PTPRG: variants seen among roughly 807,000 people sequenced by gnomAD.
PTPRG encodes protein tyrosine phosphatase receptor type G, also known as receptor-type tyrosine-protein phosphatase gamma.
PTPRG carries 102 observed loss-of-function variants against 165.3 expected under a neutral mutation model. The ratio of observed to expected loss-of-function variants is 0.62; its 90% CI spans 0.53 to 0.73. The LOEUF is 0.73. Among genes scored for constraint, PTPRG ranks in the 30% least tolerant of loss-of-function variants. PTPRG has a pLI of 0.00. For missense variants in PTPRG, 1,866 were observed against 1,861.4 expected (o/e 1.00, Z -0.05); for synonymous variants, 675 against 669.5 (o/e 1.01, Z -0.13).
intron 1 of PTPRG, among the ~76,000 whole-genome samples, chr3:61,643,514 T>A (rs1702120119): frequency 6.6e-6 from 1 of 152,206 alleles, no homozygotes; most frequent in African/African-American, 2.4e-5. Context: ...GCGCGGTGGC[T>A]CATGCCTGTA....
In PTPRG at chr3:61,840,375, A is replaced by G. The variant is rs147238706; in HGVS notation, c.190+91393A>G. Among the ~76,000 whole-genome samples the G allele has an allele frequency of 9.3e-4, 141 of 152,328 alleles. 3 individuals are homozygous for G. The East Asian group carries it at 0.023, about 25-fold the overall frequency. ...AAAATATTAGGGTTTTTAAGCCCATATAATTCAAGAAGTAAATGCTTTATA... is the reference window on the plus strand; with the variant it reads ...AAAATATTAGGGTTTTTAAGCCCATGTAATTCAAGAAGTAAATGCTTTATA... On this transcript the variant is annotated intron_variant, in intron 2 of 29. Coordinates refer to ENST00000474889, the MANE Select transcript of PTPRG (RefSeq NM_002841.4).
At chr3:61,739,341 A>C (rs998611779) in intron 1 of PTPRG, 2 of 152,278 alleles carry the variant, frequency 1.3e-5, no homozygotes, top group Admixed American at 6.5e-5. Context: ...ATCTTAGACA[A>C]TTGCCAATAG....
In PTPRG at chr3:61,791,783, C is replaced by T. The variant is rs759564950; in HGVS notation, c.190+42801C>T. 1.1e-4 allele frequency among the ~76,000 whole-genome samples: 17 copies of T among 152,262 alleles called. No homozygotes were observed. In the South Asian group the frequency reaches 1.2e-3, roughly 11 times the overall value. On this transcript the variant is annotated intron_variant, in intron 2 of 29. Coordinates refer to ENST00000474889, the MANE Select transcript of PTPRG (RefSeq NM_002841.4). ...GATTACAGGCATAAGCCATCAGGCC[C>T]GGCCTGTTTCTAATAAACTTATAAT...
At chr3:62,003,265 T>G in intron 3 of PTPRG, 84 bp from the exon 4 acceptor site, 1 of 1,458,462 alleles carries the variant, frequency 6.9e-7, no homozygotes. Flanking sequence ...ATGGTAATGG[T>G]GAACTTTATT....
At chr3:62,124,230 T>G in intron 5 of PTPRG, 1 of 1,145,776 alleles carries the variant, frequency 8.7e-7, no homozygotes, top group East Asian at 2.3e-5. Flanking sequence ...TTCCTGTCAT[T>G]TGACATTAAC....
intron 6 of PTPRG, among the ~76,000 whole-genome samples, chr3:62,139,316 A>C (rs1282932050): frequency 6.6e-6 from 1 of 151,994 alleles, no homozygotes. Flanking sequence ...AAAATTAACC[A>C]GGCTTGGTGG....
Position 61,674,018 on chromosome 3 carries a change from C to G in PTPRG, c.86-74860C>G, listed in dbSNP as rs547273640. On this transcript the variant is annotated intron_variant, in intron 1 of 29. Coordinates refer to ENST00000474889, the MANE Select transcript of PTPRG (RefSeq NM_002841.4). ...GACACATGGAGGGGAACATCACACACTGGCGTCTTTGTGGGGTGGGTGGGG... is the reference window on the plus strand; with the variant it reads ...GACACATGGAGGGGAACATCACACAGTGGCGTCTTTGTGGGGTGGGTGGGG... Among the ~76,000 whole-genome samples, 6 of 131,356 alleles carry G rather than the reference C, an allele frequency of 4.6e-5. No individual in the cohort carries two copies. The South Asian group carries it at 1.7e-3, about 37-fold the overall frequency. 86.2% of individuals were successfully genotyped at this position (131,356 alleles called of 152,430 possible). A position where few individuals can be genotyped will look rare whatever the true frequency, so the allele number is the denominator to read the frequency against.
intron 2 of PTPRG, among the ~76,000 whole-genome samples, chr3:61,852,795 A>ATGAAAAT (rs2037000570): frequency 6.6e-6 from 1 of 152,224 alleles, no homozygotes; most frequent in African/African-American, 2.4e-5. Flanking sequence ...AGTTTGCCTT[A>ATGAAAAT]TGAAAATTGC....
At chr3:62,156,827 A>C (rs1301045626) in intron 6 of PTPRG, among the ~76,000 whole-genome samples, 1 of 152,164 alleles carries the variant, frequency 6.6e-6, no homozygotes, top group Non-Finnish European at 1.5e-5. Context: ...AACCATGTTC[A>C]TCATGGAACC....
chr3:61,652,432 A>T (rs534099258), intron 1 of PTPRG, among the ~76,000 whole-genome samples: 33 of 151,724 alleles, frequency 2.2e-4, no homozygotes, highest in South Asian at 8.3e-4. Context: ...TGACTCTGAA[A>T]TTAGAATTTC....
intron 2 of PTPRG, among the ~76,000 whole-genome samples, chr3:61,839,113 T>G (rs1361724540): frequency 6.6e-6 from 1 of 152,160 alleles, no homozygotes; most frequent in Non-Finnish European, 1.5e-5. Flanking sequence ...CATATATCCT[T>G]TAAGATAATA....
intron 2 of PTPRG, among the ~76,000 whole-genome samples, chr3:61,876,373 C>A (rs2037740089): frequency 6.6e-6 from 1 of 152,122 alleles, no homozygotes; most frequent in Non-Finnish European, 1.5e-5. Flanking sequence ...AAATCTAGTA[C>A]AATTCAAATA....
chr3:61,967,743 C>T (rs1028105659), intron 2 of PTPRG, among the ~76,000 whole-genome samples: 1 of 152,154 alleles, frequency 6.6e-6, no homozygotes, highest in Non-Finnish European at 1.5e-5. Flanking sequence ...TTGGTTAAGA[C>T]AGCTGTGTCT....
intron 1 of PTPRG, among the ~76,000 whole-genome samples, chr3:61,736,092 G>C (rs151326546): frequency 7.3e-4 from 111 of 152,106 alleles, no homozygotes; most frequent in African/African-American, 2.6e-3. Flanking sequence ...TATTTTAGTA[G>C]AGATGGGGTT....
At chr3:61,732,756 A>C (rs962017114) in intron 1 of PTPRG, among the ~76,000 whole-genome samples, 2 of 142,608 alleles carry the variant, frequency 1.4e-5, no homozygotes, top group African/African-American at 2.6e-5. Flanking sequence ...AAATAAATAA[A>C]TAAATCTTGC....
In PTPRG at chr3:61,727,992, T is replaced by C. The variant is rs545633998; in HGVS notation, c.86-20886T>C. Among the ~76,000 whole-genome samples, 8 of 152,374 alleles carry C rather than the reference T, an allele frequency of 5.3e-5. No individual in the cohort carries two copies. In the South Asian group the frequency reaches 1.7e-3, roughly 32 times the overall value. ...CAGCTGGTAGCTGAACCATTTGTGATATTTTCATTGTTTTTCTTCTTCTCT... is the reference window on the plus strand; with the variant it reads ...CAGCTGGTAGCTGAACCATTTGTGACATTTTCATTGTTTTTCTTCTTCTCT... On this transcript the variant is annotated intron_variant, in intron 1 of 29. Coordinates refer to ENST00000474889, the MANE Select transcript of PTPRG (RefSeq NM_002841.4).
At chr3:61,614,337 G>A (rs911637912) in intron 1 of PTPRG, among the ~76,000 whole-genome samples, 3 of 151,614 alleles carry the variant, frequency 2.0e-5, no homozygotes, top group Admixed American at 6.6e-5. Context: ...CTATGACCTT[G>A]AGTGAGTTAC....
intron 7 of PTPRG, 98 bp from the exon 8 acceptor site, chr3:62,167,873 T>C (rs1056708355): frequency 2.3e-5 from 29 of 1,253,432 alleles, no homozygotes; most frequent in South Asian, 7.8e-5. Flanking sequence ...CATGCTCTTA[T>C]CACCTTCACC....
chr3:61,633,505 A>G (rs908709828), intron 1 of PTPRG, among the ~76,000 whole-genome samples: 6 of 152,252 alleles, frequency 3.9e-5, no homozygotes, highest in South Asian at 2.1e-4. Flanking sequence ...TAATGTATAA[A>G]AATACGATTG....
Sources: allele counts gnomAD v4.1 joint callset (sites outside exome capture counted in the v4.1 genomes callset), GRCh38; gene constraint gnomAD v4.1.1; transcripts MANE v1.5; gene names NCBI Gene and HGNC (gene_info 2026-07-23, HGNC 2026-07-21).